RBFOX1: variants seen among roughly 807,000 people sequenced by gnomAD.
RBFOX1 encodes RNA binding protein fox-1 homolog 1.
In RBFOX1, 8 loss-of-function variants were observed where a neutral mutation model predicts 57.7. The ratio of observed to expected loss-of-function variants is 0.14; its 90% CI spans 0.08 to 0.25. The LOEUF (loss-of-function observed/expected upper bound fraction) is 0.25. RBFOX1 is among the 10% of genes least tolerant of loss of function. The pLI is 1.00. For synonymous variants in RBFOX1, 326 were observed against 222.4 expected, an observed-to-expected ratio of 1.47 and a Z score of -4.15; for missense variants, 611 against 548.5, an observed-to-expected ratio of 1.11 and a Z score of -1.14.
chr16:6,431,531 T>C (rs2094084582), intron 2 of RBFOX1, among the ~76,000 whole-genome samples: 1 of 151,850 alleles, frequency 6.6e-6, no homozygotes, highest in African/African-American at 2.4e-5. Flanking sequence ...GTCAGAGAAA[T>C]CTACAAGCAG....
intron 3 of RBFOX1, among the ~76,000 whole-genome samples, chr16:6,991,393 G>T (rs1465273745): frequency 6.6e-6 from 1 of 152,132 alleles, no homozygotes; most frequent in African/African-American, 2.4e-5. Flanking sequence ...ACATTAATAA[G>T]CAACATTCCG....
chr16:7,052,336 T>C (rs977315843), intron 4 of RBFOX1, among the ~76,000 whole-genome samples: 2 of 152,220 alleles, frequency 1.3e-5, no homozygotes, highest in African/African-American at 4.8e-5. Context: ...CAGCAATAAA[T>C]ACTTTTCTTC....
intron 3 of RBFOX1, among the ~76,000 whole-genome samples, chr16:5,832,864 G>T (rs2056327243): frequency 6.6e-6 from 1 of 152,118 alleles, no homozygotes; most frequent in African/African-American, 2.4e-5. Context: ...TTATTTGAAG[G>T]TTTGCTGCAA....
intron 3 of RBFOX1, among the ~76,000 whole-genome samples, chr16:6,846,633 G>C (rs2141756880): frequency 6.6e-6 from 1 of 152,236 alleles, no homozygotes; most frequent in African/African-American, 2.4e-5. Context: ...TCATGTATTG[G>C]GAAAACAGTT....
In RBFOX1 at chr16:6,130,038, A is replaced by G. The variant is rs114548178; in HGVS notation, c.-127+110046A>G. Among the ~76,000 whole-genome samples, 1,233 of 152,294 alleles carry G rather than the reference A, an allele frequency of 8.1e-3. 16 individuals carry two copies. Among genetic ancestry groups the G allele is most frequent in the African/African-American group, 0.028 (1,185 of 41,584 alleles). On this transcript the variant is annotated intron_variant, in intron 1 of 15. Coordinates refer to ENST00000550418, the MANE Select transcript of RBFOX1 (RefSeq NM_018723.4). ...ACAAGAAATGCAAGGGACATGATCA[A>G]ATATGAAAGGAAATGAGAGCAGAAG...
chr16:5,887,255 C>T (rs1466425308), intron 4 of RBFOX1, among the ~76,000 whole-genome samples: 3 of 152,206 alleles, frequency 2.0e-5, no homozygotes, highest in Non-Finnish European at 4.4e-5. Context: ...GCACAGTCAG[C>T]ATTCGTGGTA....
chr16:5,490,473 C>A (rs958542758), intron 2 of RBFOX1, among the ~76,000 whole-genome samples: 1 of 152,198 alleles, frequency 6.6e-6, no homozygotes, highest in African/African-American at 2.4e-5. Context: ...CAGAGAGAGG[C>A]GTCCTGGGAA....
intron 5 of RBFOX1, among the ~76,000 whole-genome samples, chr16:7,520,830 A>T (rs62012734): frequency 0.029 from 4,375 of 152,312 alleles, 83 homozygotes; most frequent in Middle Eastern, 0.044. Context: ...TTGAAAAAAG[A>T]TCCAATCAGA....
chr16:5,937,846 G>T (rs961639855), intron 4 of RBFOX1, among the ~76,000 whole-genome samples: 9 of 150,562 alleles, frequency 6.0e-5, no homozygotes, highest in Non-Finnish European at 1.0e-4. Context: ...CATATATATG[G>T]TTATATGTAC....
intron 4 of RBFOX1, among the ~76,000 whole-genome samples, chr16:7,366,083 C>A (rs1364061465): frequency 6.6e-6 from 1 of 152,172 alleles, no homozygotes; most frequent in African/African-American, 2.4e-5. Flanking sequence ...CTGAGCCAAT[C>A]AGCTATGGCC....
At chr16:6,968,960 C>T (rs918203368) in intron 3 of RBFOX1, among the ~76,000 whole-genome samples, 1 of 152,008 alleles carries the variant, frequency 6.6e-6, no homozygotes, top group African/African-American at 2.4e-5. Flanking sequence ...TTAGTGGGTG[C>T]TCAGGATGTG....
At chr16:6,864,123 C>G (rs909524823) in intron 3 of RBFOX1, among the ~76,000 whole-genome samples, 4 of 151,770 alleles carry the variant, frequency 2.6e-5, no homozygotes, top group African/African-American at 9.7e-5. Context: ...GCGAAGGAGT[C>G]TCTTTAGCAG....
At chr16:7,056,602 G>T (rs1465687787) in intron 4 of RBFOX1, among the ~76,000 whole-genome samples, 4 of 152,150 alleles carry the variant, frequency 2.6e-5, no homozygotes, top group Admixed American at 2.0e-4. Flanking sequence ...CTGGGGGCCT[G>T]TTGTTTCCCT....
At chr16:5,964,313 C>A (rs1028492516) in intron 4 of RBFOX1, among the ~76,000 whole-genome samples, 1 of 152,098 alleles carries the variant, frequency 6.6e-6, no homozygotes, top group Non-Finnish European at 1.5e-5. Flanking sequence ...TAAATTGGTA[C>A]AGCCATTATG....
intron 1 of RBFOX1, among the ~76,000 whole-genome samples, chr16:6,154,858 G>A (rs2096827646): frequency 6.6e-6 from 1 of 152,026 alleles, no homozygotes; most frequent in Admixed American, 6.5e-5. Context: ...ACAAAACAAT[G>A]TAAAAAAATG....
chr16:5,501,770 G>C (rs150606380), intron 2 of RBFOX1, among the ~76,000 whole-genome samples: 1 of 152,276 alleles, frequency 6.6e-6, no homozygotes, highest in African/African-American at 2.4e-5. Context: ...CTGGAGTGTA[G>C]TGGTGCGGTC....
intron 2 of RBFOX1, among the ~76,000 whole-genome samples, chr16:5,578,406 T>G (rs750985519): frequency 6.6e-6 from 1 of 152,304 alleles, no homozygotes; most frequent in African/African-American, 2.4e-5. Flanking sequence ...GAGAGGTTTG[T>G]TCCAGTTCCC....
At chr16:7,707,452 A>T (rs1568598244) in intron 14 of RBFOX1, among the ~76,000 whole-genome samples, 4 of 152,192 alleles carry the variant, frequency 2.6e-5, no homozygotes. Flanking sequence ...AAGGGATGAG[A>T]GACGAGCTGA....
At chr16:5,316,272 A>G (rs980184855) in intron 1 of RBFOX1, among the ~76,000 whole-genome samples, 3 of 152,224 alleles carry the variant, frequency 2.0e-5, no homozygotes, top group Admixed American at 2.0e-4. Flanking sequence ...CTTCTCAGAT[A>G]TCCTTATTGC....
Sources: gnomAD v4.1 joint callset for allele counts (sites outside exome capture counted in the v4.1 genomes callset) on GRCh38, gnomAD v4.1.1 for gene constraint, MANE v1.5 for transcripts, NCBI Gene and HGNC (gene_info 2026-07-23, HGNC 2026-07-21) for gene names.